The following CEP128 variants were observed in gnomAD, a reference collection of about 807,000 sequenced individuals.
CEP128 encodes centrosomal protein 128kDa.
CEP128 carries 132 observed loss-of-function variants against 156.7 expected under a neutral mutation model. That is an observed-to-expected ratio of 0.84 (90% CI 0.73 to 0.97). The LOEUF is 0.97. Ranked by LOEUF, CEP128 falls within the 50% of genes least tolerant of loss-of-function variation. The probability of loss-of-function intolerance (pLI) is 0.00; values close to 1 mark genes in which losing one functional copy is unlikely to be tolerated. For missense variants in CEP128, 1,252 were observed against 1,281.9 expected (o/e 0.98, Z 0.36); for synonymous variants, 469 against 448.9 (o/e 1.04, Z -0.57).
chr14:80,511,951 T>C (rs575763059), intron 23 of CEP128, among the ~76,000 whole-genome samples: 1 of 152,220 alleles, frequency 6.6e-6, no homozygotes, highest in African/African-American at 2.4e-5. Flanking sequence ...ACTTGGTTTT[T>C]CAATTTTTTT....
At position 80,743,703 on chromosome 14, in the gene CEP128, T is replaced by A. The variant is rs117418815; in HGVS notation, c.2614-436A>T. 8.2e-3 allele frequency among the ~76,000 whole-genome samples: 1,241 copies of A among 152,226 alleles called. 15 individuals carry two copies. Among genetic ancestry groups the A allele is most frequent in the Non-Finnish European group, 0.01 (684 of 68,014 alleles). On this transcript the variant is annotated intron_variant, in intron 18 of 24. Transcript: ENST00000555265. ...CTAGCATGACTTCTAAAAATGCATATCCCCACTGATCTAGCTAATTAGGCA... is the reference window on the plus strand; with the variant it reads ...CTAGCATGACTTCTAAAAATGCATAACCCCACTGATCTAGCTAATTAGGCA...
At chr14:80,688,570 T>C (rs967157362) in intron 19 of CEP128, among the ~76,000 whole-genome samples, 1 of 152,196 alleles carries the variant, frequency 6.6e-6, no homozygotes, top group African/African-American at 2.4e-5. Flanking sequence ...CAAATTTTCA[T>C]GTTTGTTGCA....
chr14:80,642,534 C>T (rs1894461018), intron 19 of CEP128, among the ~76,000 whole-genome samples: 1 of 151,928 alleles, frequency 6.6e-6, no homozygotes, highest in Non-Finnish European at 1.5e-5. Context: ...AATAAAAAGG[C>T]TAGCCAGGCA....
At chr14:80,811,839 T>C (rs1884571361) in intron 13 of CEP128, among the ~76,000 whole-genome samples, 1 of 152,040 alleles carries the variant, frequency 6.6e-6, no homozygotes, top group Non-Finnish European at 1.5e-5. Context: ...GATAGATAGA[T>C]AGATAGATGA....
At chr14:80,857,016 G>A (rs936916037) in intron 9 of CEP128, among the ~76,000 whole-genome samples, 5 of 151,622 alleles carry the variant, frequency 3.3e-5, no homozygotes, top group African/African-American at 4.8e-5. Context: ...CCAAAGTGCT[G>A]GAATTACAGG....
At chr14:80,944,513 A>G (rs1295812807), upstream of CEP128, among the ~76,000 whole-genome samples, 1 of 152,024 alleles carries the variant, frequency 6.6e-6, no homozygotes, top group Non-Finnish European at 1.5e-5. Context: ...GCCATGCAGA[A>G]CTGTAAGTCA....
intron 19 of CEP128, among the ~76,000 whole-genome samples, chr14:80,660,530 C>T (rs1895355231): frequency 6.6e-6 from 1 of 152,082 alleles, no homozygotes; most frequent in South Asian, 2.1e-4. Flanking sequence ...ATACAGCCTA[C>T]ATCATATTTG....
chr14:80,953,739 T>C (rs1251577448), intron 2 of CEP128, among the ~76,000 whole-genome samples: 1 of 152,022 alleles, frequency 6.6e-6, no homozygotes, highest in Non-Finnish European at 1.5e-5. Flanking sequence ...TTTAAAACAG[T>C]TTTATTACCC....
intron 2 of CEP128, chr14:80,955,337 A>AGGGGCGCCCGGGGTGGG (rs754883648): frequency 1.3e-4 from 41 of 312,896 alleles, no homozygotes; most frequent in African/African-American, 4.2e-4. Flanking sequence ...AACTAATGGG[A>AGGGGCGCCCGGGGTGGG]GGGGCGCCCG....
At chr14:80,874,118 A>G (rs1296774622) in intron 8 of CEP128, among the ~76,000 whole-genome samples, 1 of 152,158 alleles carries the variant, frequency 6.6e-6, no homozygotes, top group African/African-American at 2.4e-5. Context: ...ATAGCAAGTG[A>G]AAGAAGCCTC....
At chr14:80,760,757 CTG>C (rs1178277554) in intron 17 of CEP128, among the ~76,000 whole-genome samples, 2 of 152,092 alleles carry the variant, frequency 1.3e-5, no homozygotes, top group Non-Finnish European at 2.9e-5. Flanking sequence ...ATGATCACTT[CTG>C]TGTTTATTTA....
chr14:80,598,918 A>G (rs1892458605), intron 19 of CEP128, among the ~76,000 whole-genome samples: 1 of 152,174 alleles, frequency 6.6e-6, no homozygotes, highest in African/African-American at 2.4e-5. Context: ...AAATATAAAA[A>G]CATGGTAGAT....
intron 23 of CEP128, among the ~76,000 whole-genome samples, chr14:80,512,979 T>C (rs1007335317): frequency 1.3e-5 from 2 of 152,164 alleles, no homozygotes; most frequent in Admixed American, 1.3e-4. Flanking sequence ...TCTTTTAGTC[T>C]TTCTACTGAA....
rs10672093 is a variant in CEP128, at chr14:80,732,471, GGTGTGTGT to G, written c.2806+10596_2806+10603del. 8.3e-3 allele frequency among the ~76,000 whole-genome samples: 1,059 copies of G among 127,720 alleles called. 9 individuals are homozygous for G. The highest frequency in any genetic ancestry group is 0.025 in the African/African-American group (842 of 33,570). 83.8% of individuals were successfully genotyped at this position (127,720 alleles called of 152,430 possible). A position where few individuals can be genotyped will look rare whatever the true frequency, so the allele number is the denominator to read the frequency against. Reference sequence around the variant, plus strand: ...TTCATCTGGCAGAACTGATTAAGCAGGTGTGTGTGTGTGTGTGTGTGTGTGTGTGTGTG... The same window carrying G: ...TTCATCTGGCAGAACTGATTAAGCAGGTGTGTGTGTGTGTGTGTGTGTGTG... On this transcript the variant is annotated intron_variant, in intron 19 of 24. Coordinates refer to ENST00000555265, the MANE Select transcript of CEP128 (RefSeq NM_152446.5).
intron 13 of CEP128, among the ~76,000 whole-genome samples, chr14:80,828,386 G>C (rs889915997): frequency 6.6e-6 from 1 of 152,104 alleles, no homozygotes; most frequent in African/African-American, 2.4e-5. Context: ...GCCTCCCAAA[G>C]TGCTGGGATT....
At chr14:80,810,758 G>C (rs900139036) in intron 13 of CEP128, among the ~76,000 whole-genome samples, 1 of 152,164 alleles carries the variant, frequency 6.6e-6, no homozygotes, top group Non-Finnish European at 1.5e-5. Flanking sequence ...GAACCCATCT[G>C]ATCCTGGGCT....
chr14:80,599,120 A>C (rs1409092141), intron 19 of CEP128, among the ~76,000 whole-genome samples: 1 of 152,168 alleles, frequency 6.6e-6, no homozygotes, highest in African/African-American at 2.4e-5. Context: ...AGTTTAATTT[A>C]AAAATTCAGA....
intron 19 of CEP128, among the ~76,000 whole-genome samples, chr14:80,621,856 C>T: frequency 6.6e-6 from 1 of 152,128 alleles, no homozygotes; most frequent in East Asian, 1.9e-4. Flanking sequence ...TCATACCTTA[C>T]CGTATGTTGT....
chr14:80,735,233 T>C (rs1373508506), intron 19 of CEP128, among the ~76,000 whole-genome samples: 2 of 152,146 alleles, frequency 1.3e-5, no homozygotes, highest in South Asian at 2.1e-4. Context: ...CTACGTAATA[T>C]CAAGGGCCTT....
Sources: allele counts gnomAD v4.1 joint callset (sites outside exome capture counted in the v4.1 genomes callset), GRCh38; gene constraint gnomAD v4.1.1; transcripts MANE v1.5; gene names NCBI Gene and HGNC (gene_info 2026-07-23, HGNC 2026-07-21).